The following EPB41L4A variants were observed in gnomAD, a reference collection of about 807,000 sequenced individuals.
The protein encoded by EPB41L4A is band 4.1-like protein 4A.
In EPB41L4A, 100 loss-of-function variants were observed where a neutral mutation model predicts 108.6. That is an observed-to-expected ratio of 0.92 (90% CI 0.78 to 1.09). The LOEUF (loss-of-function observed/expected upper bound fraction) is 1.09, where lower values mean the gene tolerates loss of function less well. EPB41L4A is among the 50% of genes least tolerant of loss of function. EPB41L4A has a pLI of 0.00. For missense variants in EPB41L4A, 1,030 were observed against 842.7 expected (o/e 1.22, Z -2.75); for synonymous variants, 319 against 289.0 (o/e 1.10, Z -1.05).
chr5:112,224,190 T>C lies in EPB41L4A; in HGVS notation c.1087+10444A>G, dbSNP rs1009176721. Among the ~76,000 whole-genome samples the C allele has an allele frequency of 3.9e-5, 6 of 152,162 alleles. No homozygotes were observed. The East Asian group carries it at 5.8e-4, about 15-fold the overall frequency. On this transcript the variant is annotated intron_variant, in intron 12 of 22. Transcript: ENST00000261486. The stretch of plus-strand genomic sequence containing the variant: ...TGGTCTTACACTCCTGACCTTGTGA[T>C]CCACCCACCTCAGCCTCCCAAAGTG...
In EPB41L4A at chr5:112,419,236, G is replaced by A. The variant is rs556787028; in HGVS notation, c.-197C>T. Reference sequence around the variant, plus strand: ...GCGAGAAAGGCGGAAAAGCCCGGGAGAGTCAGCGCCCGGGAGCCGCCGGGG... The same window carrying A: ...GCGAGAAAGGCGGAAAAGCCCGGGAAAGTCAGCGCCCGGGAGCCGCCGGGG... On this transcript the variant is annotated 5_prime_UTR_variant, in exon 1 of 23. Transcript: ENST00000261486. 4.5e-6 allele frequency: 2 copies of A among 449,308 alleles called. No individual in the cohort carries two copies. The highest frequency in any genetic ancestry group is 2.1e-5 in the African/African-American group (1 of 47,204). The allele number at this position is 449,308 out of a possible 1,614,324, so 27.8% of individuals were successfully genotyped here.
At chr5:112,283,007 T>C (rs1753065310) in intron 2 of EPB41L4A, among the ~76,000 whole-genome samples, 1 of 152,132 alleles carries the variant, frequency 6.6e-6, no homozygotes, top group Non-Finnish European at 1.5e-5. Context: ...CTACATATAA[T>C]GGGAAAAACT....
At chr5:112,369,673 T>C (rs1328023586) in intron 1 of EPB41L4A, among the ~76,000 whole-genome samples, 1 of 152,172 alleles carries the variant, frequency 6.6e-6, no homozygotes, top group Admixed American at 6.5e-5. Flanking sequence ...ATGGTGAGAA[T>C]TTACCAGGTT....
At chr5:112,241,625 A>G (rs189428147) in intron 9 of EPB41L4A, among the ~76,000 whole-genome samples, 1 of 152,336 alleles carries the variant, frequency 6.6e-6, no homozygotes, top group African/African-American at 2.4e-5. Flanking sequence ...AGGAATCATA[A>G]GTAATCTAAA....
intron 1 of EPB41L4A, among the ~76,000 whole-genome samples, chr5:112,369,442 T>G (rs1367306850): frequency 6.6e-6 from 1 of 152,212 alleles, no homozygotes; most frequent in African/African-American, 2.4e-5. Context: ...GATCTTTCAT[T>G]AATTGTGCAT....
Position 112,369,313 on chromosome 5 carries a change from C to G in EPB41L4A, c.99+49628G>C, listed in dbSNP as rs73214230. On this transcript the variant is annotated intron_variant, in intron 1 of 22. Coordinates refer to ENST00000261486, the MANE Select transcript of EPB41L4A (RefSeq NM_022140.5). ...TCTCTTGTGTGGACCACAGCAGTCT[C>G]CTAACACAGCTTCCTGCCTCTAGTT... Among the ~76,000 whole-genome samples the G allele has an allele frequency of 7.0e-3, 1,059 of 152,328 alleles. 15 individuals carry two copies. The highest frequency in any genetic ancestry group is 0.024 in the African/African-American group (998 of 41,570).
At chr5:112,275,269 A>T in intron 4 of EPB41L4A, 57 bp downstream of exon 4, 1 of 1,487,334 alleles carries the variant, frequency 6.7e-7, no homozygotes, top group Non-Finnish European at 9.0e-7. Context: ...TGTTTTAAAT[A>T]AAGCTTTTTG....
At chr5:112,279,844 T>G (rs1041492022) in intron 3 of EPB41L4A, among the ~76,000 whole-genome samples, 2 of 152,122 alleles carry the variant, frequency 1.3e-5, no homozygotes, top group Non-Finnish European at 2.9e-5. Flanking sequence ...CTTACTGGCT[T>G]AGGAAACTGA....
At chr5:112,374,078 A>G (rs987117072) in intron 1 of EPB41L4A, among the ~76,000 whole-genome samples, 2 of 152,192 alleles carry the variant, frequency 1.3e-5, no homozygotes, top group Non-Finnish European at 2.9e-5. Flanking sequence ...ACTTCCCACA[A>G]AGAGAATTAT....
In EPB41L4A at chr5:112,259,173, A is replaced by T. The variant is rs369930693; in HGVS notation, c.795+56T>A. On this transcript the variant is annotated intron_variant, in intron 9 of 22. Transcript: ENST00000261486. Reference sequence around the variant, plus strand: ...TTCTTCACAATGTCTTTTAAGCTACAAATGAACACACAAGACACCCCTCTT... The same window carrying T: ...TTCTTCACAATGTCTTTTAAGCTACTAATGAACACACAAGACACCCCTCTT... The T allele has an allele frequency of 8.6e-4, 1,145 of 1,339,140 alleles. 3 individuals carry two copies. The highest frequency in any genetic ancestry group is 2.7e-3 in the Middle Eastern group (15 of 5,502). 83.0% of individuals were successfully genotyped at this position (1,339,140 alleles called of 1,614,324 possible). A position where few individuals can be genotyped will look rare whatever the true frequency, so the allele number is the denominator to read the frequency against.
intron 11 of EPB41L4A, among the ~76,000 whole-genome samples, chr5:112,238,368 C>A (rs1749513050): frequency 6.6e-6 from 1 of 152,218 alleles, no homozygotes; most frequent in Non-Finnish European, 1.5e-5. Context: ...ATGTAAATTC[C>A]AAGAATATCT....
At chr5:112,269,917 T>A (rs886743021) in intron 4 of EPB41L4A, among the ~76,000 whole-genome samples, 3 of 152,180 alleles carry the variant, frequency 2.0e-5, no homozygotes, top group Admixed American at 1.3e-4. Flanking sequence ...GCATTCTGTC[T>A]TCCACTCTAT....
chr5:112,212,121 T>C (rs938875764), intron 12 of EPB41L4A, among the ~76,000 whole-genome samples: 24 of 152,204 alleles, frequency 1.6e-4, no homozygotes, highest in Admixed American at 2.0e-4. Context: ...GCCATAACCA[T>C]GTGACCATTA....
intron 1 of EPB41L4A, among the ~76,000 whole-genome samples, chr5:112,396,198 T>C (rs1403666938): frequency 6.6e-6 from 1 of 151,944 alleles, no homozygotes; most frequent in East Asian, 1.9e-4. Flanking sequence ...TGTATACATA[T>C]GTAACAAACC....
chr5:112,371,773 C>G (rs892128246), intron 1 of EPB41L4A, among the ~76,000 whole-genome samples: 7 of 152,148 alleles, frequency 4.6e-5, no homozygotes, highest in East Asian at 1.9e-4. Flanking sequence ...ATGAAGAACA[C>G]TCACCTCTTT....
intron 1 of EPB41L4A, among the ~76,000 whole-genome samples, chr5:112,405,869 A>C (rs1207577145): frequency 6.6e-6 from 1 of 152,164 alleles, no homozygotes; most frequent in Admixed American, 6.5e-5. Context: ...CTAACAGTTA[A>C]ACTTCTACAG....
intron 2 of EPB41L4A, among the ~76,000 whole-genome samples, chr5:112,288,728 C>G (rs571534148): frequency 7.9e-5 from 12 of 152,254 alleles, no homozygotes; most frequent in African/African-American, 1.2e-4. Flanking sequence ...GGAAACATAT[C>G]TTATCACCTT....
At chr5:112,345,778 T>TACACAC (rs781658480) in intron 1 of EPB41L4A, among the ~76,000 whole-genome samples, 5 of 130,696 alleles carry the variant, frequency 3.8e-5, no homozygotes, top group East Asian at 2.4e-4. Flanking sequence ...CATATATATA[T>TACACAC]ATACACACAC....
At chr5:112,231,791 C>CAAA (rs777370941) in intron 12 of EPB41L4A, among the ~76,000 whole-genome samples, 753 of 37,484 alleles carry the variant, frequency 0.02, 49 homozygotes, top group South Asian at 0.053. Context: ...GACTCCGTCT[C>CAAA]AAAAAAAAAA....
Sources: gnomAD v4.1 joint callset for allele counts (sites outside exome capture counted in the v4.1 genomes callset) on GRCh38, gnomAD v4.1.1 for gene constraint, MANE v1.5 for transcripts, NCBI Gene and HGNC (gene_info 2026-07-23, HGNC 2026-07-21) for gene names.